Variants in CEP85L observed in about 807,000 individuals in gnomAD.
CEP85L encodes the protein centrosomal protein of 85 kDa-like.
CEP85L carries 60 observed loss-of-function variants against 100.3 expected under a neutral mutation model. That is an observed-to-expected ratio of 0.60 (90% CI 0.49 to 0.74). The LOEUF (loss-of-function observed/expected upper bound fraction) is 0.74. Among genes scored for constraint, CEP85L ranks in the 30% least tolerant of loss-of-function variants. The pLI is 0.00. For missense variants in CEP85L, 973 were observed against 936.2 expected (o/e 1.04, Z -0.51); for synonymous variants, 319 against 322.7 (o/e 0.99, Z 0.12).
rs1773374900 is a variant in CEP85L at position 118,620,630 on chromosome 6, C to T, written c.232+11823G>A. ...TGATTCAGCAAGAGGACTGAGGGTGCCTGGGGCAAGCGCCAGCTCATATCA... is the reference window on the plus strand; with the variant it reads ...TGATTCAGCAAGAGGACTGAGGGTGTCTGGGGCAAGCGCCAGCTCATATCA... On this transcript the variant is annotated intron_variant, in intron 2 of 12. Coordinates refer to ENST00000368491, the MANE Select transcript of CEP85L (RefSeq NM_001042475.3). Among the ~76,000 whole-genome samples the T allele has an allele frequency of 2.0e-5, 3 of 152,124 alleles. No individual in the cohort carries two copies. In the South Asian group the frequency reaches 6.2e-4, roughly 32 times the overall value.
chr6:118,654,861 C>T (rs1775735652), upstream of CEP85L, among the ~76,000 whole-genome samples: 1 of 152,092 alleles, frequency 6.6e-6, no homozygotes, highest in African/African-American at 2.4e-5. Context: ...ATTGGTAATA[C>T]AGACAAACAT....
chr6:118,699,734 C>G, intron 1 of CEP85L, among the ~76,000 whole-genome samples: 1 of 152,072 alleles, frequency 6.6e-6, no homozygotes, highest in East Asian at 1.9e-4. Context: ...CTCTGTCATG[C>G]AGGCTGGAGG....
chr6:118,688,580 C>T (rs1776919626), intron 1 of CEP85L, among the ~76,000 whole-genome samples: 2 of 152,114 alleles, frequency 1.3e-5, no homozygotes, highest in Non-Finnish European at 2.9e-5. Flanking sequence ...TTTTATTTAT[C>T]TATTTATTTT....
chr6:118,662,770 C>T (rs1017521396), intron 1 of CEP85L, among the ~76,000 whole-genome samples: 1 of 151,938 alleles, frequency 6.6e-6, no homozygotes, highest in African/African-American at 2.4e-5. Context: ...CATGGGAGTG[C>T]AAAGGAATGA....
intron 3 of CEP85L, among the ~76,000 whole-genome samples, chr6:118,556,701 T>C (rs1359135109): frequency 1.3e-5 from 2 of 152,170 alleles, no homozygotes; most frequent in South Asian, 4.1e-4. Context: ...AATATGTTGA[T>C]TAACAATAAT....
At chr6:118,558,697 A>C in intron 3 of CEP85L, 1 of 559,762 alleles carries the variant, frequency 1.8e-6, no homozygotes, top group East Asian at 3.1e-5. Flanking sequence ...AGGGAGAGAG[A>C]CTATAGAAAC....
At chr6:118,680,687 G>T (rs1776628825) in intron 1 of CEP85L, among the ~76,000 whole-genome samples, 1 of 149,526 alleles carries the variant, frequency 6.7e-6, no homozygotes, top group African/African-American at 2.5e-5. Flanking sequence ...GACCGGCCTG[G>T]GCAACATGGC....
At chr6:118,709,483 C>A (rs1393763785) in intron 1 of CEP85L, among the ~76,000 whole-genome samples, 12 of 147,864 alleles carry the variant, frequency 8.1e-5, no homozygotes, top group East Asian at 2.0e-4. Context: ...TAGAGCTCCT[C>A]TCCCCTCCCC....
chr6:118,513,195 G>A lies in CEP85L; in HGVS notation c.1140-1780C>T, dbSNP rs541063387. 2.1e-4 allele frequency among the ~76,000 whole-genome samples: 32 copies of A among 152,166 alleles called. No homozygotes were observed. The South Asian group carries it at 5.6e-3, about 27-fold the overall frequency. On this transcript the variant is annotated intron_variant, in intron 4 of 12. Coordinates refer to ENST00000368491, the MANE Select transcript of CEP85L (RefSeq NM_001042475.3). ...AAAAAGCTCATAGTATCAGTGAGCC[G>A]CGAGATTATAAGAGGCCAAATACAT...
At chr6:118,592,385 A>G (rs185029243) in intron 2 of CEP85L, among the ~76,000 whole-genome samples, 314 of 151,654 alleles carry the variant, frequency 2.1e-3, no homozygotes, top group African/African-American at 7.3e-3. Flanking sequence ...TTTACCTCAA[A>G]AGGACTCCAT....
chr6:118,494,386 G>A (rs1030468083), intron 5 of CEP85L, among the ~76,000 whole-genome samples: 1 of 152,164 alleles, frequency 6.6e-6, no homozygotes, highest in Admixed American at 6.5e-5. Context: ...AAAAATGCCT[G>A]CCGTCAGGAG....
At chr6:118,566,956 T>C (rs1779544984) in intron 2 of CEP85L, among the ~76,000 whole-genome samples, 1 of 151,864 alleles carries the variant, frequency 6.6e-6, no homozygotes, top group Middle Eastern at 3.2e-3. Flanking sequence ...TACTGAGAGG[T>C]GTTATTCATA....
At chr6:118,644,098 T>C (rs1583215991) in intron 1 of CEP85L, among the ~76,000 whole-genome samples, 1 of 152,216 alleles carries the variant, frequency 6.6e-6, no homozygotes, top group Non-Finnish European at 1.5e-5. Flanking sequence ...TTAGATAATC[T>C]CTAATTTCTG....
chr6:118,502,528 C>G (rs1372873857), intron 5 of CEP85L: 6 of 490,148 alleles, frequency 1.2e-5, no homozygotes, highest in Non-Finnish European at 1.6e-5. Flanking sequence ...CATTTGGACT[C>G]TAATACTCAA....
intron 2 of CEP85L, among the ~76,000 whole-genome samples, chr6:118,619,398 T>G (rs1270145286): frequency 1.3e-5 from 2 of 152,162 alleles, no homozygotes; most frequent in Non-Finnish European, 2.9e-5. Flanking sequence ...GTGAAATCCC[T>G]TATGTACAGG....
chr6:118,543,484 T>C (rs1778024806), intron 3 of CEP85L, among the ~76,000 whole-genome samples: 1 of 152,062 alleles, frequency 6.6e-6, no homozygotes, highest in South Asian at 2.1e-4. Context: ...GCAAGGAAAA[T>C]AAATAGACCT....
intron 3 of CEP85L, among the ~76,000 whole-genome samples, chr6:118,538,211 G>T (rs1777711005): frequency 6.6e-6 from 1 of 151,838 alleles, no homozygotes; most frequent in South Asian, 2.1e-4. Flanking sequence ...TCTGCATCTT[G>T]ACCCTCAAAG....
intron 2 of CEP85L, among the ~76,000 whole-genome samples, chr6:118,572,091 T>C (rs987835039): frequency 6.6e-6 from 1 of 151,960 alleles, no homozygotes; most frequent in Non-Finnish European, 1.5e-5. Flanking sequence ...CCCAACCTCA[T>C]GTGATCTGCC....
chr6:118,580,266 T>C (rs1051900422), intron 2 of CEP85L, among the ~76,000 whole-genome samples: 3 of 152,172 alleles, frequency 2.0e-5, no homozygotes, highest in Non-Finnish European at 4.4e-5. Context: ...ATCCATGTCG[T>C]CGTATTTAAA....
Sources: gnomAD v4.1 joint callset for allele counts (sites outside exome capture counted in the v4.1 genomes callset) on GRCh38, gnomAD v4.1.1 for gene constraint, MANE v1.5 for transcripts, NCBI Gene and HGNC (gene_info 2026-07-23, HGNC 2026-07-21) for gene names.